Variants in EPB41L4A observed in about 807,000 individuals in gnomAD.
The protein encoded by EPB41L4A is band 4.1-like protein 4A.
A neutral mutation model predicts 108.6 loss-of-function variants in EPB41L4A; 100 were observed. The observed-to-expected ratio is 0.92, with a 90% CI of 0.78 to 1.09. EPB41L4A has a LOEUF of 1.09. Among genes scored for constraint, EPB41L4A ranks in the 50% least tolerant of loss-of-function variants. The pLI, the probability that EPB41L4A is intolerant of heterozygous loss-of-function variation, is 0.00. For missense variants in EPB41L4A, 1,030 were observed against 842.7 expected (o/e 1.22, Z -2.75); for synonymous variants, 319 against 289.0 (o/e 1.10, Z -1.05).
At chr5:112,330,531 G>A (rs1580699681) in intron 1 of EPB41L4A, among the ~76,000 whole-genome samples, 1 of 152,026 alleles carries the variant, frequency 6.6e-6, no homozygotes, top group African/African-American at 2.4e-5. Context: ...TTATTAAGTA[G>A]CAGCCATTGT....
At chr5:112,284,454 A>G (rs909964570) in intron 2 of EPB41L4A, among the ~76,000 whole-genome samples, 1 of 152,144 alleles carries the variant, frequency 6.6e-6, no homozygotes, top group African/African-American at 2.4e-5. Context: ...GAGGAGAAAT[A>G]GCCCTATCTC....
chr5:112,280,596 C>T (rs1337174056), intron 2 of EPB41L4A, among the ~76,000 whole-genome samples: 1 of 151,940 alleles, frequency 6.6e-6, no homozygotes, highest in Admixed American at 6.6e-5. Context: ...TTAAGACCAC[C>T]CTGGCCAATA....
At chr5:112,383,482 A>C (rs1015800640) in intron 1 of EPB41L4A, among the ~76,000 whole-genome samples, 1 of 152,230 alleles carries the variant, frequency 6.6e-6, no homozygotes, top group African/African-American at 2.4e-5. Flanking sequence ...GTTGGATGCA[A>C]AAGCTAAATC....
chr5:112,210,667 T>G (rs1168368596), intron 12 of EPB41L4A, among the ~76,000 whole-genome samples: 1 of 152,116 alleles, frequency 6.6e-6, no homozygotes, highest in Non-Finnish European at 1.5e-5. Flanking sequence ...CTGAAGGGTC[T>G]GGGCCCATGT....
rs138232174 is a variant in EPB41L4A, at chr5:112,321,817, T to G, written c.100-14327A>C. 9.3e-3 allele frequency among the ~76,000 whole-genome samples: 1,411 copies of G among 152,314 alleles called. 22 individuals are homozygous for G. Among genetic ancestry groups the G allele is most frequent in the African/African-American group, 0.032 (1,346 of 41,556 alleles). The stretch of plus-strand genomic sequence containing the variant: ...TTTAACCTATACTAACTGAAGATGG[T>G]GCATACTACTTTTTGCCAGGCAAAG... On this transcript the variant is annotated intron_variant, in intron 1 of 22. Transcript: ENST00000261486.
intron 1 of EPB41L4A, among the ~76,000 whole-genome samples, chr5:112,359,425 T>C (rs1375080079): frequency 1.3e-5 from 2 of 152,216 alleles, no homozygotes; most frequent in Admixed American, 1.3e-4. Flanking sequence ...TTCTTCCTAA[T>C]GCTCCCCCTA....
intron 12 of EPB41L4A, among the ~76,000 whole-genome samples, chr5:112,151,574 A>G (rs1332700082): frequency 6.6e-6 from 1 of 151,674 alleles, no homozygotes; most frequent in African/African-American, 2.4e-5. Context: ...CACCCAGATA[A>G]TTTTTGTATT....
At chr5:112,379,185 A>G (rs1337092712) in intron 1 of EPB41L4A, among the ~76,000 whole-genome samples, 4 of 152,190 alleles carry the variant, frequency 2.6e-5, no homozygotes, top group Non-Finnish European at 4.4e-5. Context: ...GCAGAAAAGC[A>G]TATACATGTC....
rs1762907204 is a variant in EPB41L4A at position 112,419,062 on chromosome 5, C to T, written c.-23G>A. ...CATGTCGGTTGTGGTCGTCTCCAGC[C>T]AGGAGAGAAAGCTACCACCGAGGCG... On this transcript the variant is annotated 5_prime_UTR_variant, in exon 1 of 23. Coordinates refer to ENST00000261486, the MANE Select transcript of EPB41L4A (RefSeq NM_022140.5). 2 of 1,595,468 alleles carry T rather than the reference C, an allele frequency of 1.3e-6. No homozygotes were observed. Among genetic ancestry groups the T allele is most frequent in the South Asian group, 1.1e-5 (1 of 90,316 alleles).
At chr5:112,412,218 C>G (rs922557781) in intron 1 of EPB41L4A, among the ~76,000 whole-genome samples, 2 of 152,230 alleles carry the variant, frequency 1.3e-5, no homozygotes, top group Admixed American at 1.3e-4. Context: ...GTCCCCATCT[C>G]TCTTGTTCTA....
chr5:112,389,015 G>A (rs1367440881), intron 1 of EPB41L4A, among the ~76,000 whole-genome samples: 1 of 152,064 alleles, frequency 6.6e-6, no homozygotes, highest in East Asian at 1.9e-4. Context: ...TTAATGAGCT[G>A]TGAACTTATG....
chr5:112,301,723 T>A (rs35368801), intron 2 of EPB41L4A, among the ~76,000 whole-genome samples: 4,043 of 152,232 alleles, frequency 0.027, 176 homozygotes, highest in African/African-American at 0.092. Context: ...TGTCTGTCAA[T>A]TTCCATAGAA....
Position 112,377,984 on chromosome 5 carries a change from G to C in EPB41L4A, c.99+40957C>G, listed in dbSNP as rs550580845. 1.9e-4 allele frequency among the ~76,000 whole-genome samples: 29 copies of C among 152,206 alleles called. No individual in the cohort carries two copies. The South Asian group carries it at 5.6e-3, about 29-fold the overall frequency. ...CCACCTGTGACTTAATTCATATTTG[G>C]ACAACTCTGAATGCATAAACACCAG... On this transcript the variant is annotated intron_variant, in intron 1 of 22. Transcript: ENST00000261486.
At chr5:112,160,350 C>T (rs150724475), downstream of EPB41L4A, among the ~76,000 whole-genome samples, 1 of 152,236 alleles carries the variant, frequency 6.6e-6, no homozygotes, top group Non-Finnish European at 1.5e-5. Flanking sequence ...TTTCAGCATC[C>T]GGGCTCACTT....
intron 12 of EPB41L4A, among the ~76,000 whole-genome samples, chr5:112,214,359 C>T (rs1663408316): frequency 6.6e-6 from 1 of 152,204 alleles, no homozygotes; most frequent in Admixed American, 6.5e-5. Flanking sequence ...CTTTCCCCAC[C>T]ACCACTGCTT....
chr5:112,393,471 A>T (rs1473750323), intron 1 of EPB41L4A, among the ~76,000 whole-genome samples: 1 of 152,256 alleles, frequency 6.6e-6, no homozygotes, highest in Non-Finnish European at 1.5e-5. Context: ...ACCTCTACGC[A>T]AATAAACTAG....
chr5:112,364,542 C>G (rs1265900217), intron 1 of EPB41L4A, among the ~76,000 whole-genome samples: 1 of 152,140 alleles, frequency 6.6e-6, no homozygotes, highest in African/African-American at 2.4e-5. Context: ...TACTTGTATT[C>G]TAATGGAGAA....
intron 17 of EPB41L4A, among the ~76,000 whole-genome samples, chr5:112,192,595 A>G (rs1250840672): frequency 6.6e-6 from 1 of 152,232 alleles, no homozygotes; most frequent in Non-Finnish European, 1.5e-5. Flanking sequence ...GTACAAAGAA[A>G]GCCAATCTAA....
At chr5:112,266,108 A>T in intron 5 of EPB41L4A, 125 bp downstream of exon 5, 1 of 696,290 alleles carries the variant, frequency 1.4e-6, no homozygotes, top group Admixed American at 3.2e-5. Context: ...ATTCCAAATA[A>T]ATTCAATTTC....
Sources: allele counts gnomAD v4.1 joint callset (sites outside exome capture counted in the v4.1 genomes callset), GRCh38; gene constraint gnomAD v4.1.1; transcripts MANE v1.5; gene names NCBI Gene and HGNC (gene_info 2026-07-23, HGNC 2026-07-21).